Variants in CCND3 observed in about 807,000 individuals in gnomAD.
CCND3 encodes cyclin D3, also known as G1/S-specific cyclin-D3.
Under a neutral mutation model 28.7 loss-of-function variants are expected in CCND3, and 9 were observed. The observed-to-expected ratio is 0.31, with a 90% CI of 0.19 to 0.55. The LOEUF (loss-of-function observed/expected upper bound fraction) is 0.55, where lower values mean the gene tolerates loss of function less well. CCND3 is among the 20% of genes least tolerant of loss of function. The pLI is 0.93. For missense variants in CCND3, 315 were observed against 385.8 expected (o/e 0.82, Z 1.54); for synonymous variants, 164 against 163.9 (o/e 1.00, Z 0.00).
intron 1 of CCND3, among the ~76,000 whole-genome samples, chr6:41,972,240 A>AAAAAAAGAAAAGAAAAG (rs1554162050): frequency 4.0e-5 from 4 of 99,738 alleles, no homozygotes; most frequent in Non-Finnish European, 5.9e-5. Context: ...AAAAAAAAAA[A>AAAAAAAGAAAAGAAAAG]AAAAGAAAAG....
intron 1 of CCND3, among the ~76,000 whole-genome samples, chr6:42,018,964 T>A (rs1458412287): frequency 2.0e-5 from 3 of 151,894 alleles, no homozygotes; most frequent in African/African-American, 7.3e-5. Flanking sequence ...TAACTAAATA[T>A]TAAATGTTAA....
intron 1 of CCND3, among the ~76,000 whole-genome samples, chr6:42,015,059 G>T (rs146223648): frequency 2.0e-5 from 3 of 152,056 alleles, no homozygotes; most frequent in Non-Finnish European, 2.9e-5. Flanking sequence ...AAACACACAC[G>T]TATTCATTTT....
chr6:41,954,649 T>G (rs548766073), intron 1 of CCND3, among the ~76,000 whole-genome samples: 12 of 152,132 alleles, frequency 7.9e-5, no homozygotes, highest in Non-Finnish European at 1.3e-4. Flanking sequence ...TCCTTCTGCT[T>G]CCACCTCCCA....
At chr6:42,016,159 T>C (rs1293175249) in intron 1 of CCND3, among the ~76,000 whole-genome samples, 1 of 152,090 alleles carries the variant, frequency 6.6e-6, no homozygotes. Flanking sequence ...GGTCTTGAAC[T>C]CCTGACCTCA....
At position 41,974,898 on chromosome 6, in the gene CCND3, T is replaced by C. The variant is rs1009776257; in HGVS notation, c.-45-34313A>G. Among the ~76,000 whole-genome samples, 4 of 150,570 alleles carry C rather than the reference T, an allele frequency of 2.7e-5. No homozygotes were observed. The East Asian group carries it at 7.9e-4, about 30-fold the overall frequency. Reference sequence around the variant, plus strand: ...ACCTCCGCCTCCCAGGTTCAAGCGATTCTCCTGCCTCAGCCTCCCGAGTAG... The same window carrying C: ...ACCTCCGCCTCCCAGGTTCAAGCGACTCTCCTGCCTCAGCCTCCCGAGTAG... On this transcript the variant is annotated intron_variant, in intron 1 of 4. Coordinates refer to the CCND3 transcript ENST00000372988.
intron 1 of CCND3, among the ~76,000 whole-genome samples, chr6:41,975,093 C>T (rs1168563747): frequency 6.6e-6 from 1 of 151,946 alleles, no homozygotes; most frequent in Non-Finnish European, 1.5e-5. Context: ...TGCCTGGCCC[C>T]CACAGTTCTT....
intron 1 of CCND3, among the ~76,000 whole-genome samples, chr6:42,027,718 C>T (rs1763920256): frequency 6.6e-6 from 1 of 152,028 alleles, no homozygotes; most frequent in Admixed American, 6.6e-5. Flanking sequence ...GATCTCTTAG[C>T]CTCTCTAAGC....
chr6:42,011,372 G>A (rs939163553), intron 1 of CCND3, among the ~76,000 whole-genome samples: 9 of 152,080 alleles, frequency 5.9e-5, no homozygotes, highest in Non-Finnish European at 4.4e-5. Flanking sequence ...CAATCCTCCT[G>A]CCCCAGCATC....
intron 1 of CCND3, among the ~76,000 whole-genome samples, chr6:42,047,446 G>A (rs561135862): frequency 9.8e-5 from 15 of 152,304 alleles, no homozygotes; most frequent in African/African-American, 3.1e-4. Context: ...CTCTATCCAC[G>A]TCTGGTCCCA....
chr6:42,028,961 C>T (rs80211614), intron 1 of CCND3, among the ~76,000 whole-genome samples: 25,437 of 148,700 alleles, frequency 0.17, 2,557 homozygotes, highest in East Asian at 0.52. Flanking sequence ...GTCACCACCA[C>T]CTTGAAACGG....
intron 1 of CCND3, among the ~76,000 whole-genome samples, chr6:41,995,503 G>A (rs865876914): frequency 2.0e-5 from 3 of 152,216 alleles, no homozygotes; most frequent in South Asian, 2.1e-4. Flanking sequence ...TGATCTGCCC[G>A]CCTTGGCCTC....
intron 1 of CCND3, among the ~76,000 whole-genome samples, chr6:41,986,821 G>A (rs563139046): frequency 6.6e-6 from 1 of 152,052 alleles, no homozygotes; most frequent in African/African-American, 2.4e-5. Context: ...GGTGAGAATG[G>A]GCATCCTTGT....
At chr6:42,041,184 G>C (rs1178395317) in intron 1 of CCND3, among the ~76,000 whole-genome samples, 1 of 152,188 alleles carries the variant, frequency 6.6e-6, no homozygotes, top group African/African-American at 2.4e-5. Context: ...AAGAAACAGG[G>C]GGGAGGAAAA....
At chr6:41,950,001 G>A (rs1400004475) in intron 1 of CCND3, among the ~76,000 whole-genome samples, 1 of 151,244 alleles carries the variant, frequency 6.6e-6, no homozygotes, top group Non-Finnish European at 1.5e-5. Context: ...TACTCGGGAG[G>A]CTGAGGTAGG....
chr6:41,994,901 G>A (rs927703379), intron 1 of CCND3, among the ~76,000 whole-genome samples: 2 of 151,996 alleles, frequency 1.3e-5, no homozygotes, highest in African/African-American at 4.8e-5. Context: ...GTGAAACCCC[G>A]TCTCTACTAC....
intron 1 of CCND3, among the ~76,000 whole-genome samples, chr6:42,045,086 G>A (rs1023670896): frequency 1.3e-5 from 2 of 151,724 alleles, no homozygotes; most frequent in African/African-American, 2.4e-5. Context: ...TTACAGGCGT[G>A]AGCCACTGTG....
At chr6:42,026,256 G>A (rs1763873525) in intron 1 of CCND3, among the ~76,000 whole-genome samples, 1 of 151,996 alleles carries the variant, frequency 6.6e-6, no homozygotes, top group African/African-American at 2.4e-5. Flanking sequence ...CCTCATCAGA[G>A]AACAGCACAG....
intron 1 of CCND3, among the ~76,000 whole-genome samples, chr6:42,034,942 C>T (rs1347461457): frequency 2.6e-5 from 4 of 152,142 alleles, no homozygotes; most frequent in Non-Finnish European, 5.9e-5. Context: ...GCCAAGAGTG[C>T]TATATTTCAA....
intron 1 of CCND3, among the ~76,000 whole-genome samples, chr6:41,989,313 G>A (rs1434822926): frequency 1.3e-5 from 2 of 151,826 alleles, no homozygotes; most frequent in Non-Finnish European, 2.9e-5. Context: ...ACAAAAATTA[G>A]CTGGGTGTGG....
Sources: allele counts gnomAD v4.1 joint callset (sites outside exome capture counted in the v4.1 genomes callset), GRCh38; gene constraint gnomAD v4.1.1; transcripts MANE v1.5; gene names NCBI Gene and HGNC (gene_info 2026-07-23, HGNC 2026-07-21).